BCL6: variants seen among roughly 807,000 people sequenced by gnomAD.
The protein encoded by BCL6 is BCL6 transcription repressor, also known as B-cell lymphoma 6 protein.
In BCL6, 7 loss-of-function variants were observed where a neutral mutation model predicts 59.5. The observed-to-expected ratio is 0.12, with a 90% CI of 0.07 to 0.22. The LOEUF (loss-of-function observed/expected upper bound fraction) is 0.22, where lower values mean the gene tolerates loss of function less well. Ranked by LOEUF, BCL6 falls within the 10% of genes least tolerant of loss-of-function variation. The pLI is 1.00. For synonymous variants in BCL6, 339 were observed against 349.7 expected (o/e 0.97, Z 0.34); for missense variants, 685 against 939.4 (o/e 0.73, Z 3.54).
At position 187,729,564 on chromosome 3, in the gene BCL6, G is replaced by A; in HGVS notation, c.841C>T (p.Leu281Phe). 6.2e-7 allele frequency: 1 copy of A among 1,614,038 alleles called. No individual in the cohort carries two copies. Among genetic ancestry groups the A allele is most frequent in the Non-Finnish European group, 8.5e-7 (1 of 1,180,036 alleles). Residue 281 changes from leucine (L) to phenylalanine (F), a missense_variant, in exon 5 of 10, where the codon CTC becomes TTC. Leu to Phe is a conservative substitution (Grantham distance 22). Coordinates refer to ENST00000406870, the MANE Select transcript of BCL6 (RefSeq NM_001706.5). This position sits in a 1 kb window ranked among gnomAD's most constrained non-coding sequence, Gnocchi z 5.6. ...CGGGCTGAGGGGGCAGCAGGTTTGAGGCCCTCAGCCACACTGTAGTGCATA... is the reference window on the plus strand; with the variant it reads ...CGGGCTGAGGGGGCAGCAGGTTTGAAGCCCTCAGCCACACTGTAGTGCATA... ...SDMHYSVAEG[L>F]KPAAPSARNA...
intron 2 of BCL6, chr3:187,733,927 G>A: frequency 1.8e-6 from 1 of 550,948 alleles, no homozygotes; most frequent in East Asian, 3.2e-5. Flanking sequence ...AAGCCCTTTA[G>A]GGGAAAAGCA....
chr3:187,730,149 A>C (rs1303324728), intron 4 of BCL6, 128 bp from the exon 5 acceptor site: 5 of 1,287,482 alleles, frequency 3.9e-6, no homozygotes, highest in Non-Finnish European at 4.2e-6. Flanking sequence ...GTGGCTCTGG[A>C]GCAGGGAACC....
chr3:187,738,471 T>C (rs1461238214), intron 1 of BCL6, among the ~76,000 whole-genome samples: 2 of 152,192 alleles, frequency 1.3e-5, no homozygotes, highest in African/African-American at 4.8e-5. Context: ...GCCGTAAGGA[T>C]TTCCGAATCC....
At chr3:187,744,624 C>T (rs552646009) in intron 1 of BCL6, among the ~76,000 whole-genome samples, 1 of 152,140 alleles carries the variant, frequency 6.6e-6, no homozygotes, top group East Asian at 1.9e-4. Context: ...TTTTTTCCTT[C>T]CAAATCTCGG....
At chr3:187,744,738 A>G (rs554661066) in intron 1 of BCL6, among the ~76,000 whole-genome samples, 2 of 152,122 alleles carry the variant, frequency 1.3e-5, no homozygotes, top group Middle Eastern at 3.4e-3. Flanking sequence ...AGTTACCCAG[A>G]AGGACAGGGG....
At chr3:187,744,551 C>G (rs183447887) in intron 1 of BCL6, among the ~76,000 whole-genome samples, 7 of 152,264 alleles carry the variant, frequency 4.6e-5, no homozygotes, top group South Asian at 2.1e-4. Flanking sequence ...AGACACGATA[C>G]TTCATCTCAT....
chr3:187,744,673 A>G (rs534428647), intron 1 of BCL6, among the ~76,000 whole-genome samples: 4 of 152,228 alleles, frequency 2.6e-5, no homozygotes, highest in Admixed American at 2.0e-4. Context: ...ACCGAGGCCG[A>G]TGGAAGAGAG....
At chr3:187,744,787 G>A (rs778343469) in intron 1 of BCL6, among the ~76,000 whole-genome samples, 4 of 150,040 alleles carry the variant, frequency 2.7e-5, no homozygotes, top group Admixed American at 1.4e-4. Flanking sequence ...GAGGAGGGAG[G>A]GAAGCGGAGG....
rs1249095205 is a variant in BCL6 at position 187,729,945 on chromosome 3, T to C, written c.460A>G (p.Ile154Val). 1 of 1,612,992 alleles carries C rather than the reference T, an allele frequency of 6.2e-7. No homozygotes were observed. Among genetic ancestry groups the C allele is most frequent in the South Asian group, 1.1e-5 (1 of 90,932 alleles). The stretch of plus-strand genomic sequence containing the variant: ...ACCTCACGACCCCGATAGGCCATGA[T>C]GTCTTGGGGCATCAGCATCCGGCTG... The part of the protein sequence containing the change: ...LNSRMLMPQD[I>V]MAYRGREVVE... Residue 154 changes from isoleucine to valine, a missense_variant, in exon 5 of 10, where the codon ATC becomes GTC. This residue lies in a region of BCL6 where 268 missense variants were observed against 263.8 expected (regional missense o/e 1.02). Transcript: ENST00000406870. This position sits in a 1 kb window ranked among gnomAD's most constrained non-coding sequence, Gnocchi z 5.6.
At chr3:187,736,747 GC>G (rs3841962) in intron 1 of BCL6, 23,872 of 151,552 alleles carry the variant, frequency 0.16, 2,300 homozygotes, top group African/African-American at 0.27. Context: ...TTAAGAACCA[GC>G]CCCCCCCAAC....
At chr3:187,726,060 T>C (rs567330697) in intron 7 of BCL6, among the ~76,000 whole-genome samples, 51 of 152,228 alleles carry the variant, frequency 3.4e-4, no homozygotes, top group Non-Finnish European at 6.9e-4. Flanking sequence ...CTTCTAGCTT[T>C]TCCCTTGGAT....
chr3:187,731,638 G>T lies in BCL6; in HGVS notation c.383+71C>A. The T allele has an allele frequency of 2.7e-6, 4 of 1,477,708 alleles. 1 individual carries two copies. The South Asian group carries it at 4.7e-5, about 17-fold the overall frequency. The allele number at this position is 1,477,708 out of a possible 1,614,324, so 91.5% of individuals were successfully genotyped here. On this transcript the variant is annotated intron_variant, in intron 4 of 9. Transcript: ENST00000406870. ...AGAGGAGTATTTTTTCTGTATGCATGAATTATCAAAGGTTTCTGATCGGGG... is the reference window on the plus strand; with the variant it reads ...AGAGGAGTATTTTTTCTGTATGCATTAATTATCAAAGGTTTCTGATCGGGG...
chr3:187,726,438 T>C (rs1718699604), intron 7 of BCL6, among the ~76,000 whole-genome samples: 1 of 152,346 alleles, frequency 6.6e-6, no homozygotes, highest in East Asian at 1.9e-4. Context: ...TATTTGTCTT[T>C]CCCAGACTTA....
At chr3:187,745,056 A>G (rs559990538) in intron 1 of BCL6, among the ~76,000 whole-genome samples, 3 of 151,634 alleles carry the variant, frequency 2.0e-5, no homozygotes, top group East Asian at 1.9e-4. Flanking sequence ...CTTTCCAAAA[A>G]CCAAAACAAC....
chr3:187,744,715 T>G (rs1711811392), intron 1 of BCL6, among the ~76,000 whole-genome samples: 1 of 151,822 alleles, frequency 6.6e-6, no homozygotes. Context: ...CAGCCTCCCT[T>G]TTTGCCTCCC....
chr3:187,733,772 G>A, intron 2 of BCL6, 69 bp from the exon 3 acceptor site: 1 of 1,559,942 alleles, frequency 6.4e-7, no homozygotes, highest in Non-Finnish European at 8.8e-7. Flanking sequence ...AGGTATCAGA[G>A]CAGGTGGCTT....
intron 6 of BCL6, 111 bp from the exon 7 acceptor site, chr3:187,727,009 C>T: frequency 8.2e-7 from 1 of 1,219,296 alleles, no homozygotes; most frequent in African/African-American, 1.5e-5. Flanking sequence ...CTCTCAGTCC[C>T]TCACTCACCC....
chr3:187,728,905 A>G (rs1718868399), intron 5 of BCL6, 145 bp downstream of exon 5: 1 of 1,157,816 alleles, frequency 8.6e-7, no homozygotes, highest in Non-Finnish European at 1.2e-6. Flanking sequence ...AGTGTAAAAT[A>G]CTTCCTTACT....
chr3:187,742,260 T>C (rs1281350346), intron 1 of BCL6, among the ~76,000 whole-genome samples: 2 of 152,098 alleles, frequency 1.3e-5, no homozygotes, highest in African/African-American at 2.4e-5. Context: ...GGGTTGTGAG[T>C]GTCATTACCC....
Sources: gnomAD v4.1 joint callset for allele counts (sites outside exome capture counted in the v4.1 genomes callset) on GRCh38, gnomAD v4.1.1 for gene constraint, gnomAD v4.1.1 regional missense constraint, Gnocchi (gnomAD v3.1) non-coding constraint, MANE v1.5 for transcripts, NCBI Gene and HGNC (gene_info 2026-07-23, HGNC 2026-07-21) for gene names.